Variants in CADPS2 observed in about 807,000 individuals in gnomAD.
CADPS2 encodes calcium-dependent secretion activator 2.
CADPS2 carries 93 observed loss-of-function variants against 172.5 expected under a neutral mutation model. That is an observed-to-expected ratio of 0.54 (90% CI 0.46 to 0.64). The LOEUF is 0.64. Ranked by LOEUF, CADPS2 falls within the 30% of genes least tolerant of loss-of-function variation. The probability of loss-of-function intolerance (pLI) is 0.00; values close to 1 mark genes in which losing one functional copy is unlikely to be tolerated. For missense variants in CADPS2, 1,420 were observed against 1,565.9 expected, an observed-to-expected ratio of 0.91 and a Z score of 1.57; for synonymous variants, 546 against 555.2, an observed-to-expected ratio of 0.98 and a Z score of 0.23.
At chr7:122,439,662 C>T (rs1221192232) in intron 16 of CADPS2, among the ~76,000 whole-genome samples, 3 of 139,416 alleles carry the variant, frequency 2.2e-5, no homozygotes, top group Admixed American at 1.5e-4. Context: ...CAAACTTTAT[C>T]ATTCTCTCTC....
chr7:122,359,863 T>C (rs1224460076), intron 27 of CADPS2, among the ~76,000 whole-genome samples: 1 of 152,308 alleles, frequency 6.6e-6, no homozygotes, highest in African/African-American at 2.4e-5. Flanking sequence ...TACTCATTTA[T>C]AACTACAGCA....
chr7:122,681,640 G>A (rs899358191), intron 2 of CADPS2: 103 of 1,422,322 alleles, frequency 7.2e-5, no homozygotes, highest in Middle Eastern at 2.4e-4. Flanking sequence ...GCTGCCCCAC[G>A]TCCCCCACCA....
chr7:122,870,328 C>A (rs1414860329), intron 1 of CADPS2, among the ~76,000 whole-genome samples: 4 of 151,872 alleles, frequency 2.6e-5, no homozygotes, highest in Non-Finnish European at 4.4e-5. Context: ...GCAAAATAGA[C>A]TTTAAATCAA....
At chr7:122,837,854 G>A (rs1005279723) in intron 1 of CADPS2, among the ~76,000 whole-genome samples, 6 of 152,260 alleles carry the variant, frequency 3.9e-5, no homozygotes, top group Non-Finnish European at 8.8e-5. Context: ...AGAGGTACAA[G>A]GAGGAGCTGG....
At chr7:122,492,077 TAGA>T (rs2058338042) in intron 9 of CADPS2, among the ~76,000 whole-genome samples, 1 of 151,790 alleles carries the variant, frequency 6.6e-6, no homozygotes, top group Non-Finnish European at 1.5e-5. Context: ...GAGGCTGAGG[TAGA>T]AGAATTGCTT....
Position 122,581,261 on chromosome 7 carries a change from G to C in CADPS2, c.1253C>G (p.Thr418Ser). ...QWGTQGDFTTTHPRPVVKVKL... is the reference protein window; with the variant it reads ...QWGTQGDFTTSHPRPVVKVKL... ...CACTTTGACCACAGGCCGAGGATGG[G>C]TGGTGGTGAAATCTCCTTGAGTCCC... Residue 418 changes from threonine to serine, a missense_variant, in exon 7 of 30, where the codon ACC becomes AGC. Coordinates refer to ENST00000449022, the MANE Select transcript of CADPS2 (RefSeq NM_017954.11). The C allele has an allele frequency of 6.2e-7, 1 of 1,613,138 alleles. No homozygotes were observed.
intron 8 of CADPS2, among the ~76,000 whole-genome samples, chr7:122,552,242 A>T (rs144072026): frequency 2.0e-5 from 3 of 152,196 alleles, no homozygotes; most frequent in Non-Finnish European, 4.4e-5. Flanking sequence ...TTAGCATAAC[A>T]TCATCACAGA....
chr7:122,653,496 G>A (rs1053845758), intron 3 of CADPS2, among the ~76,000 whole-genome samples: 2 of 152,006 alleles, frequency 1.3e-5, no homozygotes, highest in Non-Finnish European at 2.9e-5. Flanking sequence ...CTATTGCTTT[G>A]CCTTATCTTT....
chr7:122,856,478 T>C (rs548921809), intron 1 of CADPS2, among the ~76,000 whole-genome samples: 6 of 152,234 alleles, frequency 3.9e-5, no homozygotes, highest in African/African-American at 1.4e-4. Flanking sequence ...CATGCTGTAG[T>C]TCCCTACACT....
At chr7:122,557,136 C>A (rs1458757464) in intron 7 of CADPS2, among the ~76,000 whole-genome samples, 1 of 152,104 alleles carries the variant, frequency 6.6e-6, no homozygotes, top group Non-Finnish European at 1.5e-5. Flanking sequence ...AAGAGAAGTG[C>A]ATTGGTAAAT....
At position 122,393,177 on chromosome 7, in the gene CADPS2, A is replaced by C. The variant is rs373135821; in HGVS notation, c.3008+19T>G. On this transcript the variant is annotated intron_variant, in intron 22 of 29. Transcript: ENST00000449022. ...GCACCAGCTAACACACCACCAGGAAATAAGTGAGGAATACACACGTGGACT... is the reference window on the plus strand; with the variant it reads ...GCACCAGCTAACACACCACCAGGAACTAAGTGAGGAATACACACGTGGACT... 1.7e-5 allele frequency: 28 copies of C among 1,612,026 alleles called. No individual in the cohort carries two copies. Among genetic ancestry groups the C allele is most frequent in the Admixed American group, 1.5e-4 (9 of 59,832 alleles).
intron 1 of CADPS2, among the ~76,000 whole-genome samples, chr7:122,775,269 C>T (rs1251113603): frequency 6.6e-6 from 1 of 152,206 alleles, no homozygotes; most frequent in Non-Finnish European, 1.5e-5. Context: ...ATTAGTCTGC[C>T]ATAGCGTCAT....
intron 6 of CADPS2, among the ~76,000 whole-genome samples, chr7:122,590,904 A>G (rs1022833302): frequency 6.6e-6 from 1 of 151,976 alleles, no homozygotes; most frequent in Non-Finnish European, 1.5e-5. Context: ...CCTTTTATTT[A>G]CTGAATGTAT....
At chr7:122,733,725 T>G (rs2091892647) in intron 2 of CADPS2, among the ~76,000 whole-genome samples, 2 of 151,976 alleles carry the variant, frequency 1.3e-5, no homozygotes. Flanking sequence ...CAGGGCCCAG[T>G]GATATCCAAC....
intron 2 of CADPS2, among the ~76,000 whole-genome samples, chr7:122,666,959 T>A (rs1320826125): frequency 6.6e-6 from 1 of 152,194 alleles, no homozygotes; most frequent in Non-Finnish European, 1.5e-5. Flanking sequence ...TCCAGTGAGG[T>A]CTGGATCCCA....
intron 1 of CADPS2, among the ~76,000 whole-genome samples, chr7:122,831,748 G>T (rs1018963175): frequency 2.0e-5 from 3 of 152,134 alleles, no homozygotes; most frequent in African/African-American, 7.2e-5. Context: ...TGTAAGAGGG[G>T]ACCATACAGA....
At chr7:122,559,282 CAT>C (rs756314460) in intron 7 of CADPS2, among the ~76,000 whole-genome samples, 1 of 152,122 alleles carries the variant, frequency 6.6e-6, no homozygotes, top group African/African-American at 2.4e-5. Context: ...GAAAAAAACA[CAT>C]GATTCCAATG....
intron 1 of CADPS2, among the ~76,000 whole-genome samples, chr7:122,865,846 T>C (rs966052557): frequency 2.0e-5 from 3 of 152,170 alleles, no homozygotes; most frequent in African/African-American, 7.2e-5. Context: ...TAGATAACCA[T>C]ATTCCAAGTG....
At chr7:122,648,501 A>T (rs2078795624) in intron 3 of CADPS2, among the ~76,000 whole-genome samples, 1 of 152,104 alleles carries the variant, frequency 6.6e-6, no homozygotes, top group Non-Finnish European at 1.5e-5. Flanking sequence ...GTTGCTTCAC[A>T]AGAAGAGGAA....
Sources: gnomAD v4.1 joint callset for allele counts (sites outside exome capture counted in the v4.1 genomes callset) on GRCh38, gnomAD v4.1.1 for gene constraint, MANE v1.5 for transcripts, NCBI Gene and HGNC (gene_info 2026-07-23, HGNC 2026-07-21) for gene names.